CCNB1: variants seen among roughly 807,000 people sequenced by gnomAD.
The protein encoded by CCNB1 is cyclin B1.
In CCNB1, 26 loss-of-function variants were observed where a neutral mutation model predicts 44.4. The ratio of observed to expected loss-of-function variants is 0.59; its 90% CI spans 0.43 to 0.81. CCNB1 has a LOEUF of 0.81. Among genes scored for constraint, CCNB1 ranks in the 40% least tolerant of loss-of-function variants. The probability of loss-of-function intolerance (pLI) is 0.00; values close to 1 mark genes in which losing one functional copy is unlikely to be tolerated. For missense variants in CCNB1, 477 were observed against 520.9 expected, an observed-to-expected ratio of 0.92 and a Z score of 0.82; for synonymous variants, 195 against 181.4, an observed-to-expected ratio of 1.08 and a Z score of -0.60.
Position 69,167,826 on chromosome 5 carries a change from C to A in CCNB1, c.22-82C>A, listed in dbSNP as rs577627491. 27 of 1,295,604 alleles carry A rather than the reference C, an allele frequency of 2.1e-5. No individual in the cohort carries two copies. The South Asian group carries it at 3.9e-4, about 19-fold the overall frequency. 80.3% of individuals were successfully genotyped at this position (1,295,604 alleles called of 1,614,324 possible). A position where few individuals can be genotyped will look rare whatever the true frequency, so the allele number is the denominator to read the frequency against. The stretch of plus-strand genomic sequence containing the variant: ...TAGTCGGCTTTCTTTCTGGGAACTT[C>A]TCCTTGTGCCCCACCTTAATTAACC... On this transcript the variant is annotated intron_variant, in intron 1 of 8. Coordinates refer to ENST00000256442, the MANE Select transcript of CCNB1 (RefSeq NM_031966.4).
Position 69,167,936 on chromosome 5 carries a change from C to T in CCNB1, c.50C>T (p.Ala17Val), listed in dbSNP as rs1485117160. ...TCGAAAATTAATGCTGAAAATAAGG[C>T]GAAGATCAACATGGCAGGCGCAAAG... Reference protein sequence around the residue: ...RNSKINAENKAKINMAGAKRV... With the variant: ...RNSKINAENKVKINMAGAKRV... The change falls in exon 2 of 9, where the codon GCG becomes GTG. Residue 17 changes from alanine (A) to valine (V), a missense_variant. Transcript: ENST00000256442. 1.2e-6 allele frequency: 2 copies of T among 1,610,904 alleles called. No individual in the cohort carries two copies. Among genetic ancestry groups the T allele is most frequent in the South Asian group, 2.2e-5 (2 of 90,518 alleles).
chr5:69,174,548 G>C (rs1482773342), intron 5 of CCNB1, 139 bp downstream of exon 5: 1 of 798,092 alleles, frequency 1.3e-6, no homozygotes, highest in Admixed American at 2.3e-5. Flanking sequence ...AGGAGATCGA[G>C]ACCATCCTGG....
chr5:69,172,293 T>C (rs1580210960), intron 4 of CCNB1, among the ~76,000 whole-genome samples: 1 of 152,018 alleles, frequency 6.6e-6, no homozygotes, highest in East Asian at 1.9e-4. Flanking sequence ...AGGGTCTTGC[T>C]CTGTTGCCCA....
chr5:69,169,315 C>T (rs545975687), intron 3 of CCNB1, among the ~76,000 whole-genome samples: 2 of 152,208 alleles, frequency 1.3e-5, no homozygotes, highest in East Asian at 1.9e-4. Context: ...CCTCGGCCTC[C>T]GAAAGTGCTG....
At chr5:69,170,279 C>T (rs1747431852) in intron 3 of CCNB1, among the ~76,000 whole-genome samples, 1 of 152,148 alleles carries the variant, frequency 6.6e-6, no homozygotes, top group South Asian at 2.1e-4. Context: ...CCATGCCCGA[C>T]CTTATTTCTT....
chr5:69,169,349 G>A (rs930454159), intron 3 of CCNB1, among the ~76,000 whole-genome samples: 1 of 152,122 alleles, frequency 6.6e-6, no homozygotes, highest in Non-Finnish European at 1.5e-5. Flanking sequence ...TAGCCACGGC[G>A]CCCAGCCAGT....
Position 69,168,948 on chromosome 5 carries a change from A to G in CCNB1, c.363+605A>G, listed in dbSNP as rs191233544. On this transcript the variant is annotated intron_variant, in intron 3 of 8. Transcript: ENST00000256442. ...AATATAAGGTATGTAAATGTATTCT[A>G]TGATAGACCTACCTGTGAAGGAAAG... 4.6e-5 allele frequency among the ~76,000 whole-genome samples: 7 copies of G among 152,372 alleles called. No individual in the cohort carries two copies. The East Asian group carries it at 7.7e-4, about 17-fold the overall frequency.
At chr5:69,169,919 G>A (rs1024093876) in intron 3 of CCNB1, among the ~76,000 whole-genome samples, 32 of 151,774 alleles carry the variant, frequency 2.1e-4, no homozygotes, top group Admixed American at 5.3e-4. Flanking sequence ...CAAAGTGCTG[G>A]GATTACAGGT....
intron 6 of CCNB1, 91 bp downstream of exon 6, chr5:69,175,204 A>G: frequency 1.9e-6 from 2 of 1,056,622 alleles, no homozygotes; most frequent in South Asian, 1.4e-5. Context: ...GACCTGTATT[A>G]TACCTAACTA....
intron 3 of CCNB1, 130 bp downstream of exon 3, chr5:69,168,473 T>G: frequency 9.6e-7 from 1 of 1,042,946 alleles, no homozygotes; most frequent in East Asian, 2.4e-5. Context: ...TGAGGCAAGC[T>G]CTGCCTAACA....
chr5:69,167,390 T>C, intron 1 of CCNB1, 107 bp downstream of exon 1: 4 of 1,333,706 alleles, frequency 3.0e-6, no homozygotes, highest in Non-Finnish European at 4.2e-6. Flanking sequence ...CAGGAGCGAT[T>C]TGGGGAGGAA....
At chr5:69,175,169 C>T (rs1747556072) in intron 6 of CCNB1, 56 bp downstream of exon 6, 1 of 1,306,696 alleles carries the variant, frequency 7.7e-7, no homozygotes, top group Non-Finnish European at 1.1e-6. Flanking sequence ...AACACTGCTG[C>T]TGACCAAGCA....
intron 4 of CCNB1, 81 bp downstream of exon 4, chr5:69,171,533 A>G: frequency 9.8e-7 from 1 of 1,019,984 alleles, no homozygotes; most frequent in East Asian, 2.4e-5. Context: ...ATAATAATAC[A>G]AGCAGGACGT....
At chr5:69,167,805 C>T in intron 1 of CCNB1, 103 bp from the exon 2 acceptor site, 2 of 1,069,842 alleles carry the variant, frequency 1.9e-6, no homozygotes, top group Non-Finnish European at 2.7e-6. Flanking sequence ...CATTTTTAGT[C>T]GGCTTTCTTT....
At chr5:69,172,071 T>TTTG (rs1281984876) in intron 4 of CCNB1, among the ~76,000 whole-genome samples, 1 of 152,206 alleles carries the variant, frequency 6.6e-6, no homozygotes, top group African/African-American at 2.4e-5. Flanking sequence ...ACGTAGTTTT[T>TTTG]TTGTTGTTGT....
Position 69,167,922 on chromosome 5 carries a change from T to C in CCNB1, c.36T>C (p.Asn12=), listed in dbSNP as rs772739694. 1 of 1,609,524 alleles carries C rather than the reference T, an allele frequency of 6.2e-7. No homozygotes were observed. Among genetic ancestry groups the C allele is most frequent in the East Asian group, 2.2e-5 (1 of 44,880 alleles). The change falls in exon 2 of 9, where the codon AAT becomes AAC. Residue 12 remains asparagine (N), a synonymous_variant. Coordinates refer to ENST00000256442, the MANE Select transcript of CCNB1 (RefSeq NM_031966.4). ...ALRVTRNSKI[N]AENKAKINMA... is the part of the protein sequence containing the mutation. ...GCTTCTTTCAGAACTCGAAAATTAA[T>C]GCTGAAAATAAGGCGAAGATCAACA...
At position 69,175,164 on chromosome 5, in the gene CCNB1, T is replaced by G. The variant is rs780468212; in HGVS notation, c.942+51T>G. 7 of 1,333,172 alleles carry G rather than the reference T, an allele frequency of 5.3e-6. No individual in the cohort carries two copies. In the African/African-American group the frequency reaches 1.0e-4, roughly 19 times the overall value. 82.6% of individuals were successfully genotyped at this position (1,333,172 alleles called of 1,614,324 possible). ...CGTATGGGTACATTAGGGGGAACAC[T>G]GCTGCTGACCAAGCACGTTGAATTC... On this transcript the variant is annotated intron_variant, in intron 6 of 8. Coordinates refer to ENST00000256442, the MANE Select transcript of CCNB1 (RefSeq NM_031966.4).
chr5:69,170,455 T>C (rs1189736399), intron 3 of CCNB1, among the ~76,000 whole-genome samples: 1 of 152,200 alleles, frequency 6.6e-6, no homozygotes, highest in South Asian at 2.1e-4. Flanking sequence ...GTAGTCAGGA[T>C]AGAATTTGTG....
chr5:69,177,626 G>C lies in CCNB1; in HGVS notation c.1297G>C (p.Val433Leu), dbSNP rs758230474. The change falls in exon 9 of 9, where the codon GTG becomes CTG. Residue 433 changes from valine to leucine, a missense_variant. Val to Leu is a conservative substitution (Grantham distance 32, BLOSUM62 1). Transcript: ENST00000256442. Reference sequence around the variant, plus strand: ...AGATTTAGCCAAGGCTGTGGCAAAGGTGTAACTTGTAAACTTGAGTTGGAG... The same window carrying C: ...AGATTTAGCCAAGGCTGTGGCAAAGCTGTAACTTGTAAACTTGAGTTGGAG... ...VQDLAKAVAKV is the reference protein window; with the variant it reads ...VQDLAKAVAKL 1.2e-6 allele frequency: 2 copies of C among 1,601,602 alleles called. No individual in the cohort carries two copies. The highest frequency in any genetic ancestry group is 1.1e-5 in the South Asian group (1 of 90,638).
Sources: allele counts gnomAD v4.1 joint callset (sites outside exome capture counted in the v4.1 genomes callset), GRCh38; gene constraint gnomAD v4.1.1; transcripts MANE v1.5; gene names NCBI Gene and HGNC (gene_info 2026-07-23, HGNC 2026-07-21).